The following MCTP2 variants were observed in gnomAD, a reference collection of about 807,000 sequenced individuals.
MCTP2 encodes multiple C2 and transmembrane domain-containing protein 2.
MCTP2 carries 132 observed loss-of-function variants against 111.6 expected under a neutral mutation model. The ratio of observed to expected loss-of-function variants is 1.18; its 90% CI spans 1.03 to 1.37. MCTP2 has a LOEUF of 1.37. Among genes scored for constraint, MCTP2 ranks in the 40% most tolerant of loss-of-function variants. The probability of loss-of-function intolerance (pLI) is 0.00; values close to 1 mark genes in which losing one functional copy is unlikely to be tolerated. For synonymous variants in MCTP2, 395 were observed against 387.7 expected (o/e 1.02, Z -0.22); for missense variants, 1,183 against 1,067.9 (o/e 1.11, Z -1.50).
intron 4 of MCTP2, among the ~76,000 whole-genome samples, chr15:94,337,646 C>T (rs911382804): frequency 6.6e-6 from 1 of 150,418 alleles, no homozygotes; most frequent in African/African-American, 2.5e-5. Context: ...TACTGTTCTT[C>T]TCAGAACTGG....
At chr15:94,286,952 A>G (rs1423357915) in intron 1 of MCTP2, among the ~76,000 whole-genome samples, 6 of 152,214 alleles carry the variant, frequency 3.9e-5, no homozygotes, top group Admixed American at 1.3e-4. Context: ...CTGCTCTTCA[A>G]GGGTCACATT....
intron 4 of MCTP2, among the ~76,000 whole-genome samples, chr15:94,316,324 A>G (rs2076376249): frequency 1.3e-5 from 2 of 152,126 alleles, no homozygotes; most frequent in South Asian, 2.1e-4. Context: ...CTGTCTTTGC[A>G]CTATAAATGA....
rs371867986 is a variant in MCTP2 at position 94,463,439 on chromosome 15, C to A, written c.2360+5193C>A. Reference sequence around the variant, plus strand: ...TATAGACATGAAATTAATTTTTCTGCTTTGATTTGTTTCTAATAACCAGGT... The same window carrying A: ...TATAGACATGAAATTAATTTTTCTGATTTGATTTGTTTCTAATAACCAGGT... On this transcript the variant is annotated intron_variant, in intron 20 of 22. Coordinates refer to ENST00000357742, the MANE Select transcript of MCTP2 (RefSeq NM_001385001.1). Among the ~76,000 whole-genome samples, 22 of 152,026 alleles carry A rather than the reference C, an allele frequency of 1.4e-4. 2 individuals are homozygous for A. Among genetic ancestry groups the A allele is most frequent in the Admixed American group, 1.0e-3 (16 of 15,278 alleles).
intron 4 of MCTP2, among the ~76,000 whole-genome samples, chr15:94,324,057 A>C (rs2076741617): frequency 6.6e-6 from 1 of 152,206 alleles, no homozygotes; most frequent in Non-Finnish European, 1.5e-5. Context: ...AAAGCAGAAG[A>C]AATATGTGAG....
At chr15:94,394,226 A>T (rs547210104) in intron 14 of MCTP2, among the ~76,000 whole-genome samples, 117 of 139,726 alleles carry the variant, frequency 8.4e-4, no homozygotes, top group African/African-American at 2.2e-3. Flanking sequence ...AACATTACTT[A>T]ACTTATCTTA....
chr15:94,285,025 T>A (rs534902111), intron 1 of MCTP2, among the ~76,000 whole-genome samples: 27 of 152,258 alleles, frequency 1.8e-4, no homozygotes, highest in Admixed American at 1.5e-3. Context: ...TTGGTAATTC[T>A]CTAGGAGGAC....
rs138773112 is a variant in MCTP2 at position 94,475,176 on chromosome 15, T to C, written c.2471-1520T>C. ...TCTTTAGAATAACACAGTGAGAGTA[T>C]TTCAGTGTAAAGGAACACTGGGGGA... On this transcript the variant is annotated intron_variant, in intron 21 of 22. Transcript: ENST00000357742. Among the ~76,000 whole-genome samples the C allele has an allele frequency of 2.3e-3, 346 of 152,292 alleles. 10 individuals are homozygous for C. In the East Asian group the frequency reaches 0.061, roughly 27 times the overall value.
At chr15:94,295,915 CAAAAAAA>C (rs35051806) in intron 1 of MCTP2, among the ~76,000 whole-genome samples, 3 of 144,012 alleles carry the variant, frequency 2.1e-5, no homozygotes, top group African/African-American at 7.9e-5. Flanking sequence ...GACCCTGACT[CAAAAAAA>C]AAAAAAATTC....
At chr15:94,458,083 C>A in intron 19 of MCTP2, 54 bp from the exon 20 acceptor site, 1 of 942,980 alleles carries the variant, frequency 1.1e-6, no homozygotes, top group Non-Finnish European at 1.7e-6. Flanking sequence ...TTTTCTGTAT[C>A]AGCATGATAA....
At chr15:94,406,854 A>G (rs1383134671) in intron 17 of MCTP2, among the ~76,000 whole-genome samples, 1 of 135,784 alleles carries the variant, frequency 7.4e-6, no homozygotes, top group South Asian at 2.4e-4. Flanking sequence ...TGGACTTTTC[A>G]GTTGTTTTTT....
chr15:94,418,261 G>C (rs920432240), intron 17 of MCTP2, among the ~76,000 whole-genome samples: 1 of 152,088 alleles, frequency 6.6e-6, no homozygotes, highest in Non-Finnish European at 1.5e-5. Flanking sequence ...CCCATGGAGG[G>C]CCCCACAGTG....
chr15:94,298,359 C>A lies in MCTP2; in HGVS notation c.94C>A (p.Pro32Thr). 1 of 1,614,074 alleles carries A rather than the reference C, an allele frequency of 6.2e-7. No individual in the cohort carries two copies. The highest frequency in any genetic ancestry group is 1.1e-5 in the South Asian group (1 of 91,074). The change falls in exon 2 of 23, where the codon CCA becomes ACA. Residue 32 changes from proline (P) to threonine (T), a missense_variant. By Grantham distance (38) the Pro-to-Thr change is conservative (BLOSUM62 -1). Transcript: ENST00000357742. ...NLSKKKVKKNPSKPPDLRARH... is the reference protein window; with the variant it reads ...NLSKKKVKKNTSKPPDLRARH... ...GAGCAAGAAGAAGGTGAAAAAGAAC[C>A]CAAGTAAGCCCCCAGATCTACGGGC... is the stretch of plus-strand genomic sequence containing the variant.
intron 12 of MCTP2, among the ~76,000 whole-genome samples, chr15:94,374,228 T>C (rs2152442577): frequency 6.6e-6 from 1 of 152,236 alleles, no homozygotes; most frequent in Admixed American, 6.5e-5. Context: ...AAAGAGAATA[T>C]AGTAAACAAT....
chr15:94,324,738 G>T (rs1452263376), intron 4 of MCTP2, among the ~76,000 whole-genome samples: 1 of 152,090 alleles, frequency 6.6e-6, no homozygotes, highest in African/African-American at 2.4e-5. Flanking sequence ...GATACTGTGA[G>T]AATTATGCTA....
chr15:94,292,010 C>T (rs2075054624), intron 1 of MCTP2, among the ~76,000 whole-genome samples: 1 of 152,132 alleles, frequency 6.6e-6, no homozygotes, highest in Admixed American at 6.6e-5. Context: ...GATTACCACC[C>T]TCTGATTTAG....
intron 4 of MCTP2, among the ~76,000 whole-genome samples, chr15:94,331,999 A>T (rs530795715): frequency 1.5e-4 from 23 of 152,308 alleles, no homozygotes; most frequent in African/African-American, 5.5e-4. Context: ...AAGCCTGGGA[A>T]TGTGCATGTT....
At chr15:94,428,902 T>G (rs1455687555) in intron 17 of MCTP2, among the ~76,000 whole-genome samples, 1 of 152,158 alleles carries the variant, frequency 6.6e-6, no homozygotes, top group East Asian at 1.9e-4. Context: ...TAGACTTGAT[T>G]AACAGAACCT....
rs141361290 is a variant in MCTP2, at chr15:94,247,646, C to T, written c.-66+15982C>T. ...GGCGCATCCTCACCATAGTTTACTCCCTGACCTTCAATCAGTAAGACTGAT... is the reference window on the plus strand; with the variant it reads ...GGCGCATCCTCACCATAGTTTACTCTCTGACCTTCAATCAGTAAGACTGAT... On this transcript the variant is annotated intron_variant, in intron 1 of 22. Transcript: ENST00000357742. Among the ~76,000 whole-genome samples, 1,507 of 152,194 alleles carry T rather than the reference C, an allele frequency of 9.9e-3. 20 individuals are homozygous for T. Among genetic ancestry groups the T allele is most frequent in the African/African-American group, 0.034 (1,431 of 41,514 alleles).
At chr15:94,352,803 G>A (rs567472812) in intron 8 of MCTP2, among the ~76,000 whole-genome samples, 2 of 152,274 alleles carry the variant, frequency 1.3e-5, no homozygotes, top group African/African-American at 2.4e-5. Flanking sequence ...AGACTTTTGC[G>A]AGCCCAGCTC....
Sources: gnomAD v4.1 joint callset for allele counts (sites outside exome capture counted in the v4.1 genomes callset) on GRCh38, gnomAD v4.1.1 for gene constraint, MANE v1.5 for transcripts, NCBI Gene and HGNC (gene_info 2026-07-23, HGNC 2026-07-21) for gene names.